Variants in CFAP44 observed in about 807,000 individuals in gnomAD.
The protein encoded by CFAP44 is cilia and flagella associated protein 44, also known as cilia- and flagella-associated protein 44.
In CFAP44, 134 loss-of-function variants were observed where a neutral mutation model predicts 216.2. The observed-to-expected ratio is 0.62, with a 90% CI of 0.54 to 0.72. The LOEUF (loss-of-function observed/expected upper bound fraction) is 0.72, where lower values mean the gene tolerates loss of function less well. Among genes scored for constraint, CFAP44 ranks in the 30% least tolerant of loss-of-function variants. CFAP44 has a pLI of 0.00. For missense variants in CFAP44, 2,035 were observed against 2,182.1 expected, an observed-to-expected ratio of 0.93 and a Z score of 1.34; for synonymous variants, 700 against 727.6, an observed-to-expected ratio of 0.96 and a Z score of 0.61.
chr3:113,414,242 G>T (rs1021948240), intron 6 of CFAP44, among the ~76,000 whole-genome samples: 4 of 152,158 alleles, frequency 2.6e-5, no homozygotes, highest in African/African-American at 9.7e-5. Context: ...TTGCTTATCA[G>T]CTTAAGGAGA....
Position 113,420,000 on chromosome 3 carries a change from A to T in CFAP44, c.570+17T>A. On this transcript the variant is annotated intron_variant, in intron 5 of 34. Coordinates refer to ENST00000393845, the MANE Select transcript of CFAP44 (RefSeq NM_001164496.2). ...TAGGGTTTTTTGGGGTTTTTTTCTA[A>T]TTTATTGAAGGCATACCCCAATGAC... is the stretch of plus-strand genomic sequence containing the variant. 6.2e-7 allele frequency: 1 copy of T among 1,601,338 alleles called. No homozygotes were observed. Among genetic ancestry groups the T allele is most frequent in the South Asian group, 1.1e-5 (1 of 88,480 alleles).
Position 113,420,062 on chromosome 3 carries a change from C to G in CFAP44, c.525G>C (p.Gln175His). Residue 175 changes from glutamine (Q) to histidine (H), a missense_variant, in exon 5 of 35, where the codon CAG becomes CAC. By Grantham distance (24) the Gln-to-His change is conservative. Around this residue, in one of 3 missense-constraint regions of CFAP44, gnomAD observed 1,883 missense variants for 2,023.7 expected, o/e 0.93. Coordinates refer to ENST00000393845, the MANE Select transcript of CFAP44 (RefSeq NM_001164496.2). ...CACCACTGCTACTTCGCAGGTAGAT[C>G]TGTTCCTTGGTTTTCAAATTCAGAA... ...LIFLNLKTKE[Q>H]IYLRSSSGEG... The G allele has an allele frequency of 6.2e-7, 1 of 1,613,854 alleles. No homozygotes were observed. The highest frequency in any genetic ancestry group is 8.5e-7 in the Non-Finnish European group (1 of 1,179,868).
chr3:113,415,518 CTT>C (rs1934621272), intron 6 of CFAP44, among the ~76,000 whole-genome samples: 1 of 152,182 alleles, frequency 6.6e-6, no homozygotes, highest in Admixed American at 6.5e-5. Flanking sequence ...AAAATTCCCT[CTT>C]AACACTGCTT....
rs572884132 is a variant in CFAP44 at position 113,366,888 on chromosome 3, C to T, written c.2445-579G>A. On this transcript the variant is annotated intron_variant, in intron 18 of 34. Transcript: ENST00000393845. The stretch of plus-strand genomic sequence containing the variant: ...CTGCGCTTTTCAAAAGTCTTAGCAA[C>T]TGGCAGACCAGGAGATTCCCTCCCA... Among the ~76,000 whole-genome samples, 4 of 152,368 alleles carry T rather than the reference C, an allele frequency of 2.6e-5. No individual in the cohort carries two copies. In the South Asian group the frequency reaches 8.3e-4, roughly 32 times the overall value.
At chr3:113,441,159 A>T (rs1289081896) in intron 1 of CFAP44, among the ~76,000 whole-genome samples, 2 of 152,184 alleles carry the variant, frequency 1.3e-5, no homozygotes, top group East Asian at 1.9e-4. Context: ...GCACCTTCCC[A>T]GCTGACTCGC....
In CFAP44 at chr3:113,396,708, TG is replaced by T; in HGVS notation, c.1588del (p.Gln530LysfsTer4). 1 of 1,613,916 alleles carries T rather than the reference TG, an allele frequency of 6.2e-7. No homozygotes were observed. The highest frequency in any genetic ancestry group is 2.2e-5 in the East Asian group (1 of 44,864). On this transcript the variant is annotated frameshift_variant, in exon 14 of 35. Coordinates refer to ENST00000393845, the MANE Select transcript of CFAP44 (RefSeq NM_001164496.2). LOFTEE classifies it high-confidence loss of function. Reference protein sequence around the residue: ...VPRMVNFTGAQIIVGFEDGVV... With the variant: ...VPRMVNFTGAXIIVGFEDGVV... ...TCCATCTTCAAATCCTACAATAATTTGTGCTCCAGTGAAGTTTACCTTGGAG... is the reference window on the plus strand; with the variant it reads ...TCCATCTTCAAATCCTACAATAATTTTGCTCCAGTGAAGTTTACCTTGGAG...
chr3:113,348,822 T>C (rs1279195329), intron 22 of CFAP44, among the ~76,000 whole-genome samples: 1 of 152,164 alleles, frequency 6.6e-6, no homozygotes, highest in East Asian at 1.9e-4. Context: ...TCCCGATAGG[T>C]ACACAGATGT....
At chr3:113,325,818 G>A (rs1359814634) in intron 28 of CFAP44, among the ~76,000 whole-genome samples, 3 of 152,158 alleles carry the variant, frequency 2.0e-5, no homozygotes, top group Non-Finnish European at 4.4e-5. Context: ...GGCTCAATAT[G>A]TAGCTACAAT....
At chr3:113,305,733 A>G (rs1949979167) in intron 30 of CFAP44, among the ~76,000 whole-genome samples, 1 of 152,198 alleles carries the variant, frequency 6.6e-6, no homozygotes, top group Non-Finnish European at 1.5e-5. Context: ...TAAGGCAGAA[A>G]TTGGTGGTCT....
rs761710369 is a variant in CFAP44 at position 113,396,608 on chromosome 3, A to T, written c.1689T>A (p.Ala563=). ...TGAAAACCTGTTTCAACTGAATATC[A>T]GCATCCAAAATTTTCTTCCGTCCCG... ...IFAGRKKILD[A]DIQLKQVFKP... Residue 563 remains alanine, a synonymous_variant, in exon 14 of 35, where the codon GCT becomes GCA. Transcript: ENST00000393845. 1 of 1,614,160 alleles carries T rather than the reference A, an allele frequency of 6.2e-7. No individual in the cohort carries two copies. The highest frequency in any genetic ancestry group is 8.5e-7 in the Non-Finnish European group (1 of 1,180,010).
At chr3:113,364,686 T>C (rs1358021162) in intron 19 of CFAP44, among the ~76,000 whole-genome samples, 1 of 152,140 alleles carries the variant, frequency 6.6e-6, no homozygotes, top group Non-Finnish European at 1.5e-5. Context: ...GTTCCAAAAA[T>C]ATGCCAATCA....
chr3:113,348,183 T>C lies in CFAP44; in HGVS notation c.3066-3471A>G, dbSNP rs139009209. Among the ~76,000 whole-genome samples the C allele has an allele frequency of 5.6e-3, 854 of 152,210 alleles. 10 individuals carry two copies. The highest frequency in any genetic ancestry group is 9.7e-3 in the Non-Finnish European group (658 of 68,006). On this transcript the variant is annotated intron_variant, in intron 22 of 34. Coordinates refer to ENST00000393845, the MANE Select transcript of CFAP44 (RefSeq NM_001164496.2). ...TCTGATCAGCAGGGTCCAGGGACCA[T>C]TGCAGGTTCTTGGGTCGGGGGGAAG...
chr3:113,373,919 T>C (rs1576577423), intron 17 of CFAP44, among the ~76,000 whole-genome samples: 1 of 152,154 alleles, frequency 6.6e-6, no homozygotes, highest in Non-Finnish European at 1.5e-5. Context: ...TTACAGCTAG[T>C]TTGCAGTTTA....
At chr3:113,330,020 A>T (rs1950227026) in intron 26 of CFAP44, 148 bp downstream of exon 26, 1 of 917,914 alleles carries the variant, frequency 1.1e-6, no homozygotes, top group Non-Finnish European at 1.5e-6. Context: ...ATGGGGAGGA[A>T]GCCAAGCCAT....
At chr3:113,366,996 C>G (rs562740834) in intron 18 of CFAP44, among the ~76,000 whole-genome samples, 53 of 151,804 alleles carry the variant, frequency 3.5e-4, no homozygotes, top group Admixed American at 3.1e-3. Flanking sequence ...GAGGCTGCAG[C>G]CCGGCGGGTG....
intron 13 of CFAP44, among the ~76,000 whole-genome samples, chr3:113,397,777 C>T (rs1576589047): frequency 6.6e-6 from 1 of 152,018 alleles, no homozygotes; most frequent in East Asian, 1.9e-4. Flanking sequence ...TGACAGAAAA[C>T]ACTGGAAGGG....
intron 1 of CFAP44, 131 bp from the exon 2 acceptor site, chr3:113,433,800 A>G (rs1317963677): frequency 1.4e-6 from 1 of 701,940 alleles, no homozygotes; most frequent in Non-Finnish European, 2.4e-6. Flanking sequence ...AGGATCCAGG[A>G]TGACCCACCA....
chr3:113,413,673 T>A (rs781548123), intron 6 of CFAP44, among the ~76,000 whole-genome samples: 1 of 152,144 alleles, frequency 6.6e-6, no homozygotes, highest in Non-Finnish European at 1.5e-5. Context: ...AAAGATCAGA[T>A]GTGTGGTGTT....
chr3:113,316,331 AAAG>A (rs773918824), intron 28 of CFAP44, among the ~76,000 whole-genome samples: 1 of 152,206 alleles, frequency 6.6e-6, no homozygotes, highest in Non-Finnish European at 1.5e-5. Flanking sequence ...CTAAATTAGA[AAAG>A]AAGAAAAATA....
Sources: gnomAD v4.1 joint callset for allele counts (sites outside exome capture counted in the v4.1 genomes callset) on GRCh38, gnomAD v4.1.1 for gene constraint, gnomAD v4.1.1 regional missense constraint, MANE v1.5 for transcripts, NCBI Gene and HGNC (gene_info 2026-07-23, HGNC 2026-07-21) for gene names.